ATXN7: variants seen among roughly 807,000 people sequenced by gnomAD.
ATXN7 encodes ataxin 7.
ATXN7 carries 12 observed loss-of-function variants against 70.5 expected under a neutral mutation model. The ratio of observed to expected loss-of-function variants is 0.17; its 90% CI spans 0.11 to 0.28. The LOEUF (loss-of-function observed/expected upper bound fraction) is 0.28, where lower values mean the gene tolerates loss of function less well. ATXN7 is among the 10% of genes least tolerant of loss of function. The pLI is 1.00. For missense variants in ATXN7, 1,256 were observed against 1,131.7 expected (o/e 1.11, Z -1.58); for synonymous variants, 498 against 448.7 (o/e 1.11, Z -1.39).
At chr3:63,957,939 G>C (rs1008302573) in intron 5 of ATXN7, among the ~76,000 whole-genome samples, 1 of 152,142 alleles carries the variant, frequency 6.6e-6, no homozygotes, top group African/African-American at 2.4e-5. Context: ...TCTGTAAGAA[G>C]ACCACGTAAG....
intron 11 of ATXN7, among the ~76,000 whole-genome samples, chr3:63,993,769 G>A (rs1397956853): frequency 6.6e-6 from 1 of 152,136 alleles, no homozygotes; most frequent in East Asian, 1.9e-4. Context: ...AGGCAGCCTG[G>A]TCTTTAGGCC....
At chr3:63,984,975 G>C (rs897879908) in intron 8 of ATXN7, among the ~76,000 whole-genome samples, 1 of 152,250 alleles carries the variant, frequency 6.6e-6, no homozygotes, top group South Asian at 2.1e-4. Flanking sequence ...TTCTTTTTAA[G>C]GGCTGAATAG....
In ATXN7 at chr3:63,947,761, G is replaced by T. The variant is rs192364003; in HGVS notation, c.395-4618G>T. On this transcript the variant is annotated intron_variant, in intron 4 of 12. Transcript: ENST00000674280. Reference sequence around the variant, plus strand: ...GGGGAAGGAACAGCCCTTTGAAGTGGTGACAGCTGAGCTGAGACCTGATGT... The same window carrying T: ...GGGGAAGGAACAGCCCTTTGAAGTGTTGACAGCTGAGCTGAGACCTGATGT... 1.6e-3 allele frequency among the ~76,000 whole-genome samples: 244 copies of T among 152,256 alleles called. 3 individuals are homozygous for T. Among genetic ancestry groups the T allele is most frequent in the East Asian group, 2.9e-3 (15 of 5,170 alleles).
intron 1 of ATXN7, among the ~76,000 whole-genome samples, chr3:63,892,085 G>A (rs896227618): frequency 2.6e-5 from 4 of 152,074 alleles, no homozygotes; most frequent in African/African-American, 9.7e-5. Flanking sequence ...TTAGCAGAGG[G>A]TCTGATCCAA....
At chr3:63,865,750 C>G (rs978659823) in intron 1 of ATXN7, among the ~76,000 whole-genome samples, 1 of 151,216 alleles carries the variant, frequency 6.6e-6, no homozygotes, top group South Asian at 2.1e-4. Context: ...AAAAAATTAG[C>G]CGGGCGTAGT....
At chr3:63,946,800 C>G (rs2074872084) in intron 4 of ATXN7, among the ~76,000 whole-genome samples, 1 of 152,032 alleles carries the variant, frequency 6.6e-6, no homozygotes, top group Admixed American at 6.6e-5. Context: ...AGAGTCCAAC[C>G]CCCACTTTGA....
intron 9 of ATXN7, 145 bp downstream of exon 9, chr3:63,988,469 A>T: frequency 8.5e-7 from 1 of 1,169,778 alleles, no homozygotes; most frequent in Non-Finnish European, 1.2e-6. Context: ...CTATGAAAAA[A>T]AAAAAGGAAA....
intron 5 of ATXN7, among the ~76,000 whole-genome samples, chr3:63,953,683 C>T (rs1240468564): frequency 2.0e-5 from 3 of 149,078 alleles, no homozygotes; most frequent in African/African-American, 7.5e-5. Context: ...GAGACGGCCT[C>T]TCTGTCATCC....
At chr3:63,984,253 GCATACA>G (rs1375176311) in intron 8 of ATXN7, among the ~76,000 whole-genome samples, 1 of 150,534 alleles carries the variant, frequency 6.6e-6, no homozygotes, top group African/African-American at 2.4e-5. Context: ...ATAAAATAGT[GCATACA>G]CATACACATT....
intron 1 of ATXN7, among the ~76,000 whole-genome samples, chr3:63,895,732 CTTTTCTCT>C (rs1459761724): frequency 1.3e-5 from 2 of 151,760 alleles, no homozygotes; most frequent in African/African-American, 4.8e-5. Context: ...TTCCTTTCTC[CTTTTCTCT>C]CTCTCTCTCT....
At chr3:63,925,545 G>A (rs939512099) in intron 4 of ATXN7, among the ~76,000 whole-genome samples, 1 of 152,272 alleles carries the variant, frequency 6.6e-6, no homozygotes, top group East Asian at 1.9e-4. Context: ...AGGTTCCCCT[G>A]ACCCCCCCAA....
chr3:63,984,375 G>A (rs1292381305), intron 8 of ATXN7, among the ~76,000 whole-genome samples: 1 of 151,926 alleles, frequency 6.6e-6, no homozygotes, highest in Admixed American at 6.6e-5. Flanking sequence ...TTTGTATAGG[G>A]TACTAATTGG....
At chr3:63,978,134 C>T (rs1256113665) in intron 5 of ATXN7, among the ~76,000 whole-genome samples, 2 of 152,174 alleles carry the variant, frequency 1.3e-5, no homozygotes, top group East Asian at 1.9e-4. Context: ...TAGAATCAGA[C>T]AGGGAAACTT....
intron 1 of ATXN7, among the ~76,000 whole-genome samples, chr3:63,894,121 C>G (rs1409583937): frequency 6.6e-6 from 1 of 152,142 alleles, no homozygotes; most frequent in East Asian, 1.9e-4. Flanking sequence ...CTACAGGAGA[C>G]AGGTCTGAAA....
At chr3:63,938,419 TTAGGAG>T (rs1311301957) in intron 4 of ATXN7, among the ~76,000 whole-genome samples, 2 of 152,180 alleles carry the variant, frequency 1.3e-5, no homozygotes, top group African/African-American at 4.8e-5. Flanking sequence ...TTAAGAAGGA[TTAGGAG>T]TAGAAGTAAT....
intron 2 of ATXN7, 51 bp from the exon 3 acceptor site, chr3:63,912,536 TA>T (rs1704070551): frequency 1.0e-5 from 11 of 1,066,148 alleles, no homozygotes; most frequent in South Asian, 4.7e-5. Flanking sequence ...GGCGCCTCCT[TA>T]AAAAACGGCC....
rs1314566997 is a variant in ATXN7 at position 63,900,018 on chromosome 3, A to G, written c.-12+1521A>G. 3.9e-5 allele frequency among the ~76,000 whole-genome samples: 6 copies of G among 152,304 alleles called. No homozygotes were observed. The East Asian group carries it at 5.8e-4, about 15-fold the overall frequency. On this transcript the variant is annotated intron_variant, in intron 2 of 12. Coordinates refer to ENST00000674280, the MANE Select transcript of ATXN7 (RefSeq NM_001377405.1). ...AGGATGGTTTGAGCTCAAGAGCTTG[A>G]GGCGGCAGTTAGCCATGATGATGCT...
chr3:63,863,755 G>T (rs1367084215), upstream of ATXN7: 5 of 1,250,220 alleles, frequency 4.0e-6, no homozygotes, highest in Non-Finnish European at 5.0e-6. Flanking sequence ...CGCGTGTGGC[G>T]GCGAGCGGGG....
intron 2 of ATXN7, among the ~76,000 whole-genome samples, chr3:63,899,060 T>A (rs1703531609): frequency 1.9e-5 from 1 of 51,406 alleles, no homozygotes; most frequent in Non-Finnish European, 6.3e-5. Context: ...TAATGGAGTG[T>A]CTTTTTTTTT....
Sources: allele counts gnomAD v4.1 joint callset (sites outside exome capture counted in the v4.1 genomes callset), GRCh38; gene constraint gnomAD v4.1.1; transcripts MANE v1.5; gene names NCBI Gene and HGNC (gene_info 2026-07-23, HGNC 2026-07-21).